NKAIN3: variants seen among roughly 807,000 people sequenced by gnomAD.
NKAIN3 encodes sodium/potassium-transporting ATPase subunit beta-1-interacting protein 3.
Under a neutral mutation model 30.2 loss-of-function variants are expected in NKAIN3, and 25 were observed. That is an observed-to-expected ratio of 0.83 (90% CI 0.60 to 1.16). The LOEUF (loss-of-function observed/expected upper bound fraction) is 1.16. Among genes scored for constraint, NKAIN3 ranks in the 50% most tolerant of loss-of-function variants. NKAIN3 has a pLI of 0.00. For synonymous variants in NKAIN3, 91 were observed against 89.6 expected (o/e 1.02, Z -0.09); for missense variants, 225 against 254.1 (o/e 0.89, Z 0.78).
chr8:62,284,184 T>C (rs1035056699), intron 1 of NKAIN3, among the ~76,000 whole-genome samples: 1 of 152,136 alleles, frequency 6.6e-6, no homozygotes, highest in East Asian at 1.9e-4. Flanking sequence ...GCATTGGTGC[T>C]GTCTGGCTCA....
chr8:62,543,799 G>A (rs978193325), intron 1 of NKAIN3, among the ~76,000 whole-genome samples: 2 of 152,168 alleles, frequency 1.3e-5, no homozygotes, highest in African/African-American at 4.8e-5. Flanking sequence ...TACCATTTTA[G>A]ATGTTTGGTA....
intron 4 of NKAIN3, among the ~76,000 whole-genome samples, chr8:62,819,601 G>T (rs1469669639): frequency 6.6e-6 from 1 of 151,814 alleles, no homozygotes; most frequent in Non-Finnish European, 1.5e-5. Flanking sequence ...TTTCAGTTAG[G>T]TACCAGCCAT....
At chr8:62,434,360 C>A (rs531913756) in intron 1 of NKAIN3, among the ~76,000 whole-genome samples, 32 of 152,230 alleles carry the variant, frequency 2.1e-4, no homozygotes, top group Admixed American at 1.6e-3. Flanking sequence ...GGGAACAATT[C>A]CTGGATGCAG....
At chr8:62,665,352 A>G (rs1222762653) in intron 3 of NKAIN3, among the ~76,000 whole-genome samples, 1 of 151,938 alleles carries the variant, frequency 6.6e-6, no homozygotes, top group Non-Finnish European at 1.5e-5. Flanking sequence ...CTTTTGAGTA[A>G]AAGAGATTTA....
intron 1 of NKAIN3, among the ~76,000 whole-genome samples, chr8:62,338,605 G>T (rs186778498): frequency 1.1e-3 from 173 of 152,004 alleles, no homozygotes; most frequent in Non-Finnish European, 1.5e-3. Flanking sequence ...TATATATATA[G>T]AGAGAGGGGA....
At chr8:62,790,309 T>A (rs890259097) in intron 4 of NKAIN3, among the ~76,000 whole-genome samples, 3 of 152,106 alleles carry the variant, frequency 2.0e-5, no homozygotes, top group African/African-American at 7.2e-5. Flanking sequence ...ATGGGATGTA[T>A]CTCAAAATAA....
intron 3 of NKAIN3, among the ~76,000 whole-genome samples, chr8:62,737,243 C>A (rs756477153): frequency 1.3e-5 from 2 of 152,160 alleles, no homozygotes; most frequent in Non-Finnish European, 2.9e-5. Context: ...TTCCTGCCAA[C>A]CTCTCAAAAT....
chr8:62,720,823 C>T (rs544650282), intron 3 of NKAIN3, among the ~76,000 whole-genome samples: 26 of 152,196 alleles, frequency 1.7e-4, no homozygotes, highest in Non-Finnish European at 3.1e-4. Context: ...TTCAAGTTAA[C>T]TTGCACATTA....
At chr8:62,419,161 A>G (rs539346033) in intron 1 of NKAIN3, among the ~76,000 whole-genome samples, 3 of 152,132 alleles carry the variant, frequency 2.0e-5, no homozygotes, top group Non-Finnish European at 2.9e-5. Flanking sequence ...GGAAGTCAAC[A>G]CCTTGACCCC....
intron 4 of NKAIN3, among the ~76,000 whole-genome samples, chr8:62,751,893 G>A (rs561468077): frequency 5.6e-4 from 84 of 151,202 alleles, no homozygotes; most frequent in Admixed American, 1.7e-3. Flanking sequence ...CCCTCAGGCT[G>A]TACTAGATGC....
At chr8:62,791,822 A>C (rs1188336293) in intron 4 of NKAIN3, among the ~76,000 whole-genome samples, 1 of 152,114 alleles carries the variant, frequency 6.6e-6, no homozygotes, top group African/African-American at 2.4e-5. Context: ...CAAAGGACCC[A>C]GAAGTAAACA....
intron 1 of NKAIN3, among the ~76,000 whole-genome samples, chr8:62,514,903 C>G (rs544586091): frequency 6.6e-6 from 1 of 152,152 alleles, no homozygotes; most frequent in Non-Finnish European, 1.5e-5. Flanking sequence ...TTCCCTTCAG[C>G]TTTCAGGTCC....
In NKAIN3 at chr8:62,345,640, T is replaced by C. The variant is rs529256346; in HGVS notation, c.54+96513T>C. ...ACACACATATATATACACATATATGTATATATACACATATATACATATGTA... is the reference window on the plus strand; with the variant it reads ...ACACACATATATATACACATATATGCATATATACACATATATACATATGTA... On this transcript the variant is annotated intron_variant, in intron 1 of 6. Transcript: ENST00000623646. Among the ~76,000 whole-genome samples, 13 of 139,128 alleles carry C rather than the reference T, an allele frequency of 9.3e-5. No homozygotes were observed. The East Asian group carries it at 2.0e-3, about 21-fold the overall frequency. The allele number at this position is 139,128 out of a possible 152,430, so 91.3% of individuals were successfully genotyped here.
At chr8:62,520,948 T>A (rs763893477) in intron 1 of NKAIN3, among the ~76,000 whole-genome samples, 15 of 151,440 alleles carry the variant, frequency 9.9e-5, no homozygotes, top group Non-Finnish European at 1.8e-4. Context: ...CGACTTCTGC[T>A]TGTATGGAAA....
At chr8:62,784,538 A>G in intron 4 of NKAIN3, among the ~76,000 whole-genome samples, 1 of 152,020 alleles carries the variant, frequency 6.6e-6, no homozygotes. Flanking sequence ...CTACCAAAAA[A>G]TGGACAAATT....
chr8:62,557,610 T>C (rs189590761), intron 1 of NKAIN3, among the ~76,000 whole-genome samples: 29 of 152,170 alleles, frequency 1.9e-4, no homozygotes, highest in African/African-American at 6.7e-4. Context: ...CTAGCAGGAG[T>C]AAGGTGGTAT....
At chr8:62,655,591 T>G (rs1812740814) in intron 3 of NKAIN3, among the ~76,000 whole-genome samples, 1 of 152,106 alleles carries the variant, frequency 6.6e-6, no homozygotes, top group Admixed American at 6.6e-5. Context: ...TGAGAAAGAA[T>G]GCAAATAACT....
intron 1 of NKAIN3, among the ~76,000 whole-genome samples, chr8:62,371,606 A>G (rs777067596): frequency 6.6e-6 from 1 of 151,904 alleles, no homozygotes; most frequent in Non-Finnish European, 1.5e-5. Flanking sequence ...GCCTTTCAAT[A>G]TGGATTTTAA....
chr8:62,655,143 C>T (rs1251916098), intron 3 of NKAIN3, among the ~76,000 whole-genome samples: 1 of 152,120 alleles, frequency 6.6e-6, no homozygotes, highest in Non-Finnish European at 1.5e-5. Flanking sequence ...CAGCTGTTTG[C>T]AGACTCTTGG....
Sources: gnomAD v4.1 joint callset for allele counts (sites outside exome capture counted in the v4.1 genomes callset) on GRCh38, gnomAD v4.1.1 for gene constraint, MANE v1.5 for transcripts, NCBI Gene and HGNC (gene_info 2026-07-23, HGNC 2026-07-21) for gene names.